The following ALLC variants were observed in gnomAD, a reference collection of about 807,000 sequenced individuals.
ALLC encodes the protein allantoicase.
Under a neutral mutation model 45.0 loss-of-function variants are expected in ALLC, and 40 were observed. The ratio of observed to expected loss-of-function variants is 0.89; its 90% CI spans 0.69 to 1.16. ALLC has a LOEUF of 1.16. Ranked by LOEUF, ALLC falls within the 50% of genes most tolerant of loss-of-function variation. The pLI, the probability that ALLC is intolerant of heterozygous loss-of-function variation, is 0.00. For synonymous variants in ALLC, 176 were observed against 178.1 expected (o/e 0.99, Z 0.09); for missense variants, 488 against 493.1 (o/e 0.99, Z 0.10).
intron 1 of ALLC, among the ~76,000 whole-genome samples, chr2:3,666,211 C>T (rs1446687397): frequency 1.3e-5 from 2 of 152,202 alleles, no homozygotes; most frequent in Non-Finnish European, 2.9e-5. Context: ...GGGAACATTA[C>T]ATTAATTACT....
Position 3,671,206 on chromosome 2 carries a change from A to G in ALLC, c.33+16A>G. ...AGGAGGAAAAGTAAGTGGGTCTCTC[A>G]TGGCCAAACAAGGGTTGAAGGCATC... On this transcript the variant is annotated intron_variant, in intron 2 of 11. Transcript: ENST00000252505. The G allele has an allele frequency of 1.2e-6, 2 of 1,606,938 alleles. No homozygotes were observed. Among genetic ancestry groups the G allele is most frequent in the South Asian group, 2.2e-5 (2 of 89,174 alleles).
At chr2:3,683,537 C>G (rs1320958432) in intron 7 of ALLC, among the ~76,000 whole-genome samples, 3 of 152,182 alleles carry the variant, frequency 2.0e-5, no homozygotes. Flanking sequence ...ACCCCATATC[C>G]TTTAGCTATC....
At chr2:3,668,956 C>A (rs1213311972) in intron 1 of ALLC, among the ~76,000 whole-genome samples, 1 of 152,180 alleles carries the variant, frequency 6.6e-6, no homozygotes, top group African/African-American at 2.4e-5. Context: ...AATATTCCCA[C>A]TGTCCAGCAG....
intron 7 of ALLC, chr2:3,694,643 G>A (rs1217172608): frequency 6.6e-6 from 1 of 152,110 alleles, no homozygotes. Context: ...TCATAACCCG[G>A]CTCCTGCTGA....
At chr2:3,670,281 C>T (rs1312106977) in intron 1 of ALLC, among the ~76,000 whole-genome samples, 1 of 152,144 alleles carries the variant, frequency 6.6e-6, no homozygotes, top group Non-Finnish European at 1.5e-5. Flanking sequence ...GTTTGTATTC[C>T]TTCTTTTGTG....
At chr2:3,675,321 T>C (rs1409774236) in intron 3 of ALLC, among the ~76,000 whole-genome samples, 1 of 151,262 alleles carries the variant, frequency 6.6e-6, no homozygotes, top group Non-Finnish European at 1.5e-5. Context: ...GCCCAAGACG[T>C]TGAGGTTGCA....
rs920013885 is a variant in ALLC, at chr2:3,680,773, C to T, written c.298+779C>T. 2.0e-5 allele frequency among the ~76,000 whole-genome samples: 3 copies of T among 152,098 alleles called. No individual in the cohort carries two copies. Among genetic ancestry groups the T allele is most frequent in the Non-Finnish European group, 4.4e-5 (3 of 68,020 alleles). On this transcript the variant is annotated intron_variant, in intron 5 of 11. Coordinates refer to ENST00000252505, the MANE Select transcript of ALLC (RefSeq NM_018436.4). The surrounding 1 kb of genome is among the most constrained non-coding windows in gnomAD (Gnocchi z 4.0). ...CCAGAACAGGGAAGAGGGCGGTGTG[C>T]GTCACAGCCTCTGATTTGTGCGATA...
intron 3 of ALLC, among the ~76,000 whole-genome samples, chr2:3,677,784 T>G (rs67188939): frequency 0.22 from 32,906 of 152,196 alleles, 4,116 homozygotes; most frequent in Middle Eastern, 0.35. Context: ...AGCAGTAACG[T>G]AAGATCCTCC....
At chr2:3,694,687 T>C (rs1395663239) in intron 7 of ALLC, 1 of 152,252 alleles carries the variant, frequency 6.6e-6, no homozygotes, top group East Asian at 1.9e-4. Context: ...TAGGGTTTTA[T>C]GCCAATGAAG....
At position 3,695,678 on chromosome 2, in the gene ALLC, A is replaced by G. The variant is rs756848323; in HGVS notation, c.512-39A>G. The stretch of plus-strand genomic sequence containing the variant: ...TGTAGTGTATGATACACAAGCAGCC[A>G]TTTTTACAAACAATAACTAAGGCAC... On this transcript the variant is annotated intron_variant, in intron 7 of 11. Transcript: ENST00000252505. 1.9e-6 allele frequency: 3 copies of G among 1,613,280 alleles called. No individual in the cohort carries two copies. In the South Asian group the frequency reaches 3.3e-5, roughly 18 times the overall value.
At chr2:3,657,805 C>A (rs554050457), upstream of ALLC, among the ~76,000 whole-genome samples, 2 of 151,870 alleles carry the variant, frequency 1.3e-5, no homozygotes, top group South Asian at 4.2e-4. Context: ...GGCTGAGGGG[C>A]TCTAGCCAAA....
intron 2 of ALLC, among the ~76,000 whole-genome samples, chr2:3,673,751 T>C (rs1666951405): frequency 6.6e-6 from 1 of 152,176 alleles, no homozygotes; most frequent in African/African-American, 2.4e-5. Flanking sequence ...CATTGCTCGG[T>C]TTGTAAAAGT....
At chr2:3,701,730 G>A (rs1051938532) in intron 11 of ALLC, 94 bp downstream of exon 11, 29 of 1,402,710 alleles carry the variant, frequency 2.1e-5, no homozygotes, top group Non-Finnish European at 2.7e-5. Context: ...CAAAGTTTCT[G>A]CTCAGTTTAA....
At chr2:3,698,067 G>A (rs1446025239) in intron 10 of ALLC, among the ~76,000 whole-genome samples, 2 of 151,984 alleles carry the variant, frequency 1.3e-5, no homozygotes, top group East Asian at 1.9e-4. Context: ...GGGTTCAAGC[G>A]ATTCTTCCTG....
chr2:3,693,703 G>C (rs1667583392), intron 7 of ALLC, among the ~76,000 whole-genome samples: 2 of 152,216 alleles, frequency 1.3e-5, no homozygotes, highest in Non-Finnish European at 2.9e-5. Context: ...TCCTTATGAA[G>C]TGAATAACCC....
chr2:3,663,300 C>T (rs1465093652), intron 1 of ALLC, among the ~76,000 whole-genome samples: 1 of 152,158 alleles, frequency 6.6e-6, no homozygotes, highest in Admixed American at 6.5e-5. Flanking sequence ...AAGCCATCAT[C>T]CTCAGCAAAC....
In ALLC at chr2:3,680,562, A is replaced by G. The variant is rs373318376; in HGVS notation, c.298+568A>G. Reference sequence around the variant, plus strand: ...AGGTGCTGAAGAAGCCAAGAAACCAAAGAAAGAGGCTGACAAATCCAGTCT... The same window carrying G: ...AGGTGCTGAAGAAGCCAAGAAACCAGAGAAAGAGGCTGACAAATCCAGTCT... On this transcript the variant is annotated intron_variant, in intron 5 of 11. Coordinates refer to ENST00000252505, the MANE Select transcript of ALLC (RefSeq NM_018436.4). The surrounding 1 kb of genome is among the most constrained non-coding windows in gnomAD (Gnocchi z 4.0). 1.8e-4 allele frequency among the ~76,000 whole-genome samples: 28 copies of G among 152,310 alleles called. No individual in the cohort carries two copies. Among genetic ancestry groups the G allele is most frequent in the African/African-American group, 6.5e-4 (27 of 41,580 alleles).
intron 6 of ALLC, among the ~76,000 whole-genome samples, chr2:3,682,666 C>CA (rs1431455007): frequency 1.3e-5 from 2 of 152,132 alleles, no homozygotes; most frequent in African/African-American, 4.8e-5. Context: ...GCTGGGACTA[C>CA]AGGCGCCCGC....
chr2:3,658,725 A>G (rs752065198), intron 1 of ALLC, among the ~76,000 whole-genome samples: 2 of 151,952 alleles, frequency 1.3e-5, no homozygotes, highest in South Asian at 2.1e-4. Context: ...AAAAATAGCC[A>G]GGCATGGTGG....
Sources: allele counts gnomAD v4.1 joint callset (sites outside exome capture counted in the v4.1 genomes callset), GRCh38; gene constraint gnomAD v4.1.1; non-coding constraint Gnocchi (gnomAD v3.1); transcripts MANE v1.5; gene names NCBI Gene and HGNC (gene_info 2026-07-23, HGNC 2026-07-21).